Variants in GRM5 observed in about 807,000 individuals in gnomAD.
The protein encoded by GRM5 is metabotropic glutamate receptor 5.
A neutral mutation model predicts 83.1 loss-of-function variants in GRM5; 19 were observed. The ratio of observed to expected loss-of-function variants is 0.23; its 90% CI spans 0.16 to 0.34. The LOEUF (loss-of-function observed/expected upper bound fraction) is 0.34. GRM5 is among the 10% of genes least tolerant of loss of function. The pLI is 1.00. For synonymous variants in GRM5, 675 were observed against 633.6 expected (o/e 1.07, Z -0.98); for missense variants, 1,160 against 1,588.3 (o/e 0.73, Z 4.58).
intron 1 of GRM5, among the ~76,000 whole-genome samples, chr11:89,056,973 T>C (rs988441788): frequency 6.6e-6 from 1 of 152,168 alleles, no homozygotes; most frequent in Non-Finnish European, 1.5e-5. Flanking sequence ...CTAAATGATA[T>C]GAAAAAGAGA....
Position 89,011,650 on chromosome 11 carries a change from T to C in GRM5, c.661+35562A>G, listed in dbSNP as rs116049075. On this transcript the variant is annotated intron_variant, in intron 2 of 9. Transcript: ENST00000305447. ...TACTTTCAAAGAAACTGAGATGATA[T>C]ACTTGATAAGGCATAAAAATTGATC... Among the ~76,000 whole-genome samples, 346 of 152,302 alleles carry C rather than the reference T, an allele frequency of 2.3e-3. 4 individuals are homozygous for C. Among genetic ancestry groups the C allele is most frequent in the African/African-American group, 7.9e-3 (329 of 41,562 alleles).
intron 2 of GRM5, among the ~76,000 whole-genome samples, chr11:89,011,744 G>T (rs1940706218): frequency 6.6e-6 from 1 of 152,120 alleles, no homozygotes; most frequent in Non-Finnish European, 1.5e-5. Flanking sequence ...ATTATTAGGG[G>T]CCAGACAGTC....
intron 3 of GRM5, among the ~76,000 whole-genome samples, chr11:88,665,162 T>TACACACACACAC (rs1214459891): frequency 0.074 from 10,419 of 140,836 alleles, 576 homozygotes; most frequent in African/African-American, 0.13. Context: ...TTAATTTATT[T>TACACACACACAC]ACACACACAC....
At chr11:88,850,500 T>G (rs898919447) in intron 2 of GRM5, among the ~76,000 whole-genome samples, 23 of 152,208 alleles carry the variant, frequency 1.5e-4, no homozygotes, top group Middle Eastern at 3.4e-3. Context: ...TCTATCTCAC[T>G]TCCCTTTACT....
intron 3 of GRM5, among the ~76,000 whole-genome samples, chr11:88,779,265 C>G (rs1474580788): frequency 1.3e-5 from 2 of 152,154 alleles, no homozygotes; most frequent in Non-Finnish European, 2.9e-5. Flanking sequence ...GATTATTTAG[C>G]CTTTCACAGC....
chr11:88,885,305 T>C (rs1179352239), intron 2 of GRM5, among the ~76,000 whole-genome samples: 1 of 151,838 alleles, frequency 6.6e-6, no homozygotes, highest in Non-Finnish European at 1.5e-5. Flanking sequence ...AAGACACAAG[T>C]GGCAACTCAA....
At position 88,999,683 on chromosome 11, in the gene GRM5, C is replaced by T. The variant is rs1422683332; in HGVS notation, c.661+47529G>A. Among the ~76,000 whole-genome samples the T allele has an allele frequency of 1.2e-4, 19 of 152,132 alleles. No homozygotes were observed. In the South Asian group the frequency reaches 3.3e-3, roughly 27 times the overall value. On this transcript the variant is annotated intron_variant, in intron 2 of 9. Transcript: ENST00000305447. The stretch of plus-strand genomic sequence containing the variant: ...ACCATTGTGGAAGTCAGTGTGGCGA[C>T]TCCTCAGGGATCTAGAACTAGAAAT...
At chr11:88,688,596 C>A (rs751468857) in intron 3 of GRM5, among the ~76,000 whole-genome samples, 11 of 152,108 alleles carry the variant, frequency 7.2e-5, no homozygotes, top group Admixed American at 1.3e-4. Context: ...ATAGAGAGAT[C>A]TGGCTAGAAA....
chr11:88,506,535 G>A lies in GRM5; in HGVS notation c.*2057C>T, dbSNP rs1051782753. On this transcript the variant is annotated 3_prime_UTR_variant, in exon 10 of 10. Coordinates refer to ENST00000305447, the MANE Select transcript of GRM5 (RefSeq NM_001143831.3). ...GCTTTTAATGAAACCATGAAACTTA[G>A]CTAGATTTCACTTACATTTTAAAAG... The A allele has an allele frequency of 3.9e-5, 6 of 152,118 alleles. No individual in the cohort carries two copies. Among genetic ancestry groups the A allele is most frequent in the African/African-American group, 1.4e-4 (6 of 41,420 alleles). 9.4% of individuals were successfully genotyped at this position (152,118 alleles called of 1,614,324 possible). A position where few individuals can be genotyped will look rare whatever the true frequency, so the allele number is the denominator to read the frequency against.
chr11:88,779,075 G>C (rs1294742423), intron 3 of GRM5, among the ~76,000 whole-genome samples: 1 of 152,162 alleles, frequency 6.6e-6, no homozygotes, highest in Non-Finnish European at 1.5e-5. Flanking sequence ...TATAGATGAA[G>C]AACCTGATGC....
chr11:88,988,646 A>T (rs981645608), intron 2 of GRM5, among the ~76,000 whole-genome samples: 9 of 151,738 alleles, frequency 5.9e-5, no homozygotes, highest in Non-Finnish European at 1.0e-4. Context: ...AGCCCATCAG[A>T]CTAACAGCGG....
At chr11:88,524,219 T>C (rs77761166) in intron 9 of GRM5, among the ~76,000 whole-genome samples, 13 of 55,880 alleles carry the variant, frequency 2.3e-4, no homozygotes, top group Non-Finnish European at 6.3e-4. Flanking sequence ...TCTTTCTTTT[T>C]TTTTTTTTTT....
intron 3 of GRM5, among the ~76,000 whole-genome samples, chr11:88,828,799 C>T (rs1011756398): frequency 1.3e-5 from 2 of 151,944 alleles, no homozygotes; most frequent in African/African-American, 4.8e-5. Flanking sequence ...ATTATACAAA[C>T]ATTAAGTGGC....
At chr11:88,835,226 C>CCT (rs1565253855) in intron 3 of GRM5, among the ~76,000 whole-genome samples, 3 of 152,142 alleles carry the variant, frequency 2.0e-5, no homozygotes, top group African/African-American at 7.2e-5. Flanking sequence ...AAACCTGATA[C>CCT]ATAAACCTGA....
intron 3 of GRM5, among the ~76,000 whole-genome samples, chr11:88,702,908 A>G (rs1392881270): frequency 6.6e-6 from 1 of 152,088 alleles, no homozygotes; most frequent in East Asian, 1.9e-4. Flanking sequence ...CTGCTAACCA[A>G]CTTGATCATA....
At chr11:88,591,884 T>C (rs1258065588) in intron 6 of GRM5, among the ~76,000 whole-genome samples, 1 of 152,234 alleles carries the variant, frequency 6.6e-6, no homozygotes, top group Admixed American at 6.5e-5. Flanking sequence ...CCAGGCTCTT[T>C]AGTACTTGTC....
intron 3 of GRM5, among the ~76,000 whole-genome samples, chr11:88,755,557 G>A (rs530288021): frequency 2.6e-5 from 4 of 152,088 alleles, no homozygotes; most frequent in Non-Finnish European, 4.4e-5. Context: ...ATGTTAGCAT[G>A]ATTTTGTTGC....
At chr11:88,619,729 T>C (rs543807337) in intron 4 of GRM5, among the ~76,000 whole-genome samples, 1 of 152,306 alleles carries the variant, frequency 6.6e-6, no homozygotes, top group East Asian at 1.9e-4. Context: ...GTTAAATCTT[T>C]GTGTTAGTTC....
intron 3 of GRM5, among the ~76,000 whole-genome samples, chr11:88,680,227 C>T (rs574920778): frequency 3.9e-5 from 6 of 152,164 alleles, no homozygotes; most frequent in African/African-American, 1.4e-4. Flanking sequence ...AATGCTATCC[C>T]TCCCCACTCC....
Sources: allele counts gnomAD v4.1 joint callset (sites outside exome capture counted in the v4.1 genomes callset), GRCh38; gene constraint gnomAD v4.1.1; transcripts MANE v1.5; gene names NCBI Gene and HGNC (gene_info 2026-07-23, HGNC 2026-07-21).